KCNN2: variants seen among roughly 807,000 people sequenced by gnomAD.
KCNN2 encodes potassium calcium-activated channel subfamily N member 2.
A neutral mutation model predicts 55.5 loss-of-function variants in KCNN2; 24 were observed. The ratio of observed to expected loss-of-function variants is 0.43; its 90% CI spans 0.31 to 0.61. The LOEUF (loss-of-function observed/expected upper bound fraction) is 0.61, where lower values mean the gene tolerates loss of function less well. Among genes scored for constraint, KCNN2 ranks in the 20% least tolerant of loss-of-function variants. The pLI, the probability that KCNN2 is intolerant of heterozygous loss-of-function variation, is 0.08. For synonymous variants in KCNN2, 431 were observed against 336.1 expected (o/e 1.28, Z -3.09); for missense variants, 754 against 853.6 (o/e 0.88, Z 1.45).
chr5:114,283,527 TTC>T (rs1441297966), intron 2 of KCNN2, among the ~76,000 whole-genome samples: 2 of 152,302 alleles, frequency 1.3e-5, no homozygotes, highest in Admixed American at 6.5e-5. Flanking sequence ...TTTTCTGTGT[TTC>T]TGTTTCTATT....
At chr5:114,102,748 G>T (rs1751398016) in intron 1 of KCNN2, among the ~76,000 whole-genome samples, 1 of 152,122 alleles carries the variant, frequency 6.6e-6, no homozygotes, top group South Asian at 2.1e-4. Context: ...GATGGTTGTA[G>T]ATGTGTGTTG....
At chr5:114,118,635 T>C (rs1472828146) in intron 1 of KCNN2, among the ~76,000 whole-genome samples, 2 of 151,952 alleles carry the variant, frequency 1.3e-5, no homozygotes, top group African/African-American at 4.8e-5. Flanking sequence ...AGGCAGGCTG[T>C]CTTATCAAGT....
At chr5:114,159,267 G>GT (rs1038842253) in intron 1 of KCNN2, among the ~76,000 whole-genome samples, 3 of 152,058 alleles carry the variant, frequency 2.0e-5, no homozygotes, top group African/African-American at 7.2e-5. Context: ...TAATCATGTG[G>GT]TTTTTACCTT....
chr5:114,390,427 A>G (rs971413955), intron 2 of KCNN2, among the ~76,000 whole-genome samples: 4 of 152,152 alleles, frequency 2.6e-5, no homozygotes, highest in African/African-American at 9.7e-5. Flanking sequence ...CAGTGATGTC[A>G]GTCTTTGTGT....
intron 1 of KCNN2, among the ~76,000 whole-genome samples, chr5:114,180,796 C>G (rs1003652307): frequency 2.0e-5 from 3 of 152,158 alleles, no homozygotes; most frequent in African/African-American, 7.2e-5. Context: ...AGTCAACTTT[C>G]TCACAAACTC....
chr5:114,120,794 TTGCCATTTTGTGGAG>T (rs1208363637), intron 1 of KCNN2, among the ~76,000 whole-genome samples: 13 of 152,208 alleles, frequency 8.5e-5, no homozygotes, highest in African/African-American at 3.1e-4. Flanking sequence ...GTGGAACACT[TTGCCATTTTGTGGAG>T]TGTCAAGAAA....
intron 1 of KCNN2, among the ~76,000 whole-genome samples, chr5:114,132,622 G>A (rs1037536623): frequency 2.6e-5 from 4 of 152,066 alleles, no homozygotes; most frequent in Non-Finnish European, 5.9e-5. Flanking sequence ...AAGAAGCATA[G>A]ACTCTAATGG....
intron 2 of KCNN2, among the ~76,000 whole-genome samples, chr5:114,364,896 GTT>G (rs201060943): frequency 1.4e-5 from 2 of 146,744 alleles, no homozygotes; most frequent in East Asian, 4.0e-4. Context: ...TATTTTCTGA[GTT>G]TTTTTTTTTC....
At chr5:114,325,246 G>A (rs997209647) in intron 2 of KCNN2, among the ~76,000 whole-genome samples, 2 of 152,202 alleles carry the variant, frequency 1.3e-5, no homozygotes, top group East Asian at 1.9e-4. Context: ...GAAATTCTGT[G>A]TTGAATATAT....
At chr5:114,423,332 C>T (rs1561375615) in intron 3 of KCNN2, among the ~76,000 whole-genome samples, 2 of 152,100 alleles carry the variant, frequency 1.3e-5, no homozygotes, top group Admixed American at 6.6e-5. Flanking sequence ...TTCCTACTCA[C>T]CCCCACAGCC....
chr5:114,337,122 A>G (rs1401203071), intron 2 of KCNN2, among the ~76,000 whole-genome samples: 1 of 152,228 alleles, frequency 6.6e-6, no homozygotes, highest in Non-Finnish European at 1.5e-5. Flanking sequence ...CATCAAAGAA[A>G]AAGGGGATGA....
chr5:114,248,804 A>T (rs752525149), intron 2 of KCNN2, among the ~76,000 whole-genome samples: 1 of 152,186 alleles, frequency 6.6e-6, no homozygotes, highest in Non-Finnish European at 1.5e-5. Context: ...ATATTAACAA[A>T]TTTTTTTAAG....
chr5:114,208,765 G>A (rs1237524826), intron 1 of KCNN2, among the ~76,000 whole-genome samples: 1 of 152,176 alleles, frequency 6.6e-6, no homozygotes, highest in African/African-American at 2.4e-5. Flanking sequence ...CAGGGCACCT[G>A]ACTCAGAGTC....
intron 1 of KCNN2, among the ~76,000 whole-genome samples, chr5:114,074,331 C>A (rs560859682): frequency 8.8e-6 from 1 of 114,124 alleles, no homozygotes; most frequent in African/African-American, 3.7e-5. Flanking sequence ...TGTGTGTGTG[C>A]GCGCGCGCGC....
At chr5:114,310,505 T>C (rs958596921) in intron 2 of KCNN2, among the ~76,000 whole-genome samples, 14 of 152,216 alleles carry the variant, frequency 9.2e-5, no homozygotes, top group Non-Finnish European at 2.1e-4. Flanking sequence ...TCAATATTTG[T>C]AGAATGTGTC....
At chr5:114,464,759 A>G (rs907250298) in intron 4 of KCNN2, among the ~76,000 whole-genome samples, 14 of 152,162 alleles carry the variant, frequency 9.2e-5, no homozygotes, top group African/African-American at 3.4e-4. Flanking sequence ...GCATAATTTA[A>G]CATTATTTGC....
chr5:114,404,913 AG>A (rs1401464639), intron 3 of KCNN2, 57 bp downstream of exon 3: 1 of 1,489,028 alleles, frequency 6.7e-7, no homozygotes, highest in Non-Finnish European at 9.0e-7. Context: ...TTCACAAGTA[AG>A]AAAAAAAAAA....
chr5:114,279,668 A>T (rs182433512), intron 2 of KCNN2, among the ~76,000 whole-genome samples: 2 of 152,180 alleles, frequency 1.3e-5, no homozygotes, highest in Non-Finnish European at 2.9e-5. Flanking sequence ...CATCGTATAT[A>T]TGTGCCACAT....
intron 2 of KCNN2, among the ~76,000 whole-genome samples, chr5:114,267,461 G>T (rs1332587447): frequency 6.6e-6 from 1 of 152,082 alleles, no homozygotes; most frequent in African/African-American, 2.4e-5. Context: ...TTGAGGGTGG[G>T]CAATATCACT....
Sources: gnomAD v4.1 joint callset for allele counts (sites outside exome capture counted in the v4.1 genomes callset) on GRCh38, gnomAD v4.1.1 for gene constraint, MANE v1.5 for transcripts, NCBI Gene and HGNC (gene_info 2026-07-23, HGNC 2026-07-21) for gene names.